DOCK8: variants seen among roughly 807,000 people sequenced by gnomAD.
DOCK8 encodes dedicator of cytokinesis 8.
A neutral mutation model predicts 245.6 loss-of-function variants in DOCK8; 141 were observed. The ratio of observed to expected loss-of-function variants is 0.57; its 90% CI spans 0.50 to 0.66. The LOEUF (loss-of-function observed/expected upper bound fraction) is 0.66, where lower values mean the gene tolerates loss of function less well. DOCK8 is among the 30% of genes least tolerant of loss of function. The pLI, the probability that DOCK8 is intolerant of heterozygous loss-of-function variation, is 0.00. For synonymous variants in DOCK8, 1,168 were observed against 970.2 expected (o/e 1.20, Z -3.79); for missense variants, 2,965 against 2,603.4 (o/e 1.14, Z -3.02).
intron 1 of DOCK8, among the ~76,000 whole-genome samples, chr9:230,618 T>A (rs1215869310): frequency 6.6e-6 from 1 of 152,038 alleles, no homozygotes; most frequent in African/African-American, 2.4e-5. Context: ...TGGTATCTCA[T>A]TGTGGTTTTG....
In DOCK8 at chr9:319,312, T is replaced by C. The variant is rs561369725; in HGVS notation, c.827+2184T>C. On this transcript the variant is annotated intron_variant, in intron 7 of 47. Transcript: ENST00000432829. The stretch of plus-strand genomic sequence containing the variant: ...ATTAAAAAAAGAGGAGTCACTTGAA[T>C]ATCTCTTAATGAAAATTGTAAAGTG... Among the ~76,000 whole-genome samples the C allele has an allele frequency of 2.4e-3, 362 of 152,328 alleles. 1 individual carries two copies. Among genetic ancestry groups the C allele is most frequent in the South Asian group, 6.2e-3 (30 of 4,824 alleles).
chr9:410,811 C>T (rs956251269), intron 28 of DOCK8, among the ~76,000 whole-genome samples: 34 of 152,148 alleles, frequency 2.2e-4, no homozygotes, highest in African/African-American at 8.2e-4. Context: ...CAACAAAATT[C>T]ACCAATCTTT....
chr9:233,882 A>T (rs2047182407), intron 1 of DOCK8, among the ~76,000 whole-genome samples: 1 of 152,152 alleles, frequency 6.6e-6, no homozygotes, highest in Non-Finnish European at 1.5e-5. Context: ...TAATTGGAGC[A>T]TTTAGCCCAT....
chr9:364,891 CCAAT>C (rs1334582293), intron 14 of DOCK8, among the ~76,000 whole-genome samples: 1 of 152,050 alleles, frequency 6.6e-6, no homozygotes, highest in African/African-American at 2.4e-5. Flanking sequence ...GTGGAATGGA[CCAAT>C]CAAATAGAAC....
intron 20 of DOCK8, among the ~76,000 whole-genome samples, chr9:377,851 A>G (rs1210572049): frequency 2.6e-5 from 4 of 152,240 alleles, no homozygotes; most frequent in Admixed American, 1.3e-4. Flanking sequence ...TACAATGTGT[A>G]CATTTTCCCT....
intron 12 of DOCK8, 89 bp from the exon 13 acceptor site, chr9:338,917 T>C (rs2051443525): frequency 9.4e-7 from 1 of 1,069,196 alleles, no homozygotes; most frequent in East Asian, 2.5e-5. Flanking sequence ...AGAATAAAAC[T>C]TAAAGGTAAA....
intron 1 of DOCK8, among the ~76,000 whole-genome samples, chr9:216,786 G>A (rs978969334): frequency 1.3e-5 from 2 of 152,124 alleles, no homozygotes; most frequent in African/African-American, 2.4e-5. Context: ...CTATGGGGTT[G>A]GGCAGGGTTG....
intron 14 of DOCK8, among the ~76,000 whole-genome samples, chr9:359,231 A>G (rs894161400): frequency 1.3e-5 from 2 of 152,340 alleles, no homozygotes; most frequent in Admixed American, 6.5e-5. Flanking sequence ...AGATATTATA[A>G]GACTACATTA....
chr9:323,972 G>C (rs1003439808), intron 7 of DOCK8, among the ~76,000 whole-genome samples: 1 of 152,194 alleles, frequency 6.6e-6, no homozygotes, highest in African/African-American at 2.4e-5. Context: ...CTGCTACTTG[G>C]CATTGTTTTT....
At chr9:222,925 A>G (rs1226839735) in intron 1 of DOCK8, among the ~76,000 whole-genome samples, 1 of 152,236 alleles carries the variant, frequency 6.6e-6, no homozygotes, top group African/African-American at 2.4e-5. Flanking sequence ...TAAAATAGCA[A>G]ATGGAAAATC....
chr9:368,533 C>G, intron 15 of DOCK8: 2 of 491,388 alleles, frequency 4.1e-6, no homozygotes, highest in South Asian at 2.9e-5. Context: ...GTGTTACACA[C>G]TTACTCAAGC....
chr9:272,936 G>C (rs1458608514), intron 2 of DOCK8: 1 of 624,166 alleles, frequency 1.6e-6, no homozygotes, highest in African/African-American at 2.0e-5. Flanking sequence ...ACTCTTGCTG[G>C]TTCTGCTGCT....
chr9:250,121 T>C (rs1254041681), intron 1 of DOCK8, among the ~76,000 whole-genome samples: 2 of 152,182 alleles, frequency 1.3e-5, no homozygotes, highest in African/African-American at 4.8e-5. Context: ...TGTCATTATG[T>C]CCTGGCACAA....
chr9:246,657 A>T (rs572991758), intron 1 of DOCK8, among the ~76,000 whole-genome samples: 8 of 152,318 alleles, frequency 5.3e-5, no homozygotes, highest in Non-Finnish European at 1.0e-4. Flanking sequence ...CATGTTTGAA[A>T]AATTTTTAAT....
Position 215,005 on chromosome 9 carries a change from G to C in DOCK8, c.29G>C (p.Arg10Pro). The C allele has an allele frequency of 1.3e-6, 2 of 1,593,618 alleles. No individual in the cohort carries two copies. The highest frequency in any genetic ancestry group is 1.7e-6 in the Non-Finnish European group (2 of 1,174,932). The change falls in exon 1 of 48, where the codon CGC (arginine) becomes CCC (proline). Residue 10 changes from arginine to proline, a missense_variant. By Grantham distance (103) the Arg-to-Pro change is moderately radical. This residue lies in a region of DOCK8 where 2,825 missense variants were observed against 2,453.5 expected (regional missense o/e 1.15). Coordinates refer to ENST00000432829, the MANE Select transcript of DOCK8 (RefSeq NM_203447.4). ...GCCACTCTGCCGAGCGCAGAGCGCC[G>C]CGCGTTCGCGCTCAAGATCAACAGG... MATLPSAER[R>P]AFALKINRYS...
chr9:362,603 C>T (rs2052782765), intron 14 of DOCK8, among the ~76,000 whole-genome samples: 1 of 152,150 alleles, frequency 6.6e-6, no homozygotes, highest in African/African-American at 2.4e-5. Flanking sequence ...CTCTCAAAGC[C>T]CTCTTTCCTT....
At chr9:275,180 G>T (rs1401120006) in intron 2 of DOCK8, among the ~76,000 whole-genome samples, 1 of 151,964 alleles carries the variant, frequency 6.6e-6, no homozygotes, top group East Asian at 1.9e-4. Flanking sequence ...TTATATAATG[G>T]GTCCTTTGTA....
intron 1 of DOCK8, among the ~76,000 whole-genome samples, chr9:266,795 G>A (rs663309): frequency 0.56 from 84,661 of 151,834 alleles, 23,739 homozygotes; most frequent in East Asian, 0.79. Flanking sequence ...AGAATAAAGA[G>A]GATAATATTT....
chr9:392,027 A>T (rs2054215107), intron 24 of DOCK8, among the ~76,000 whole-genome samples: 1 of 151,208 alleles, frequency 6.6e-6, no homozygotes, highest in Non-Finnish European at 1.5e-5. Flanking sequence ...AATCCCATCT[A>T]CTCAGGAGGC....
Sources: allele counts gnomAD v4.1 joint callset (sites outside exome capture counted in the v4.1 genomes callset), GRCh38; gene constraint gnomAD v4.1.1; regional missense constraint gnomAD v4.1.1; transcripts MANE v1.5; gene names NCBI Gene and HGNC (gene_info 2026-07-23, HGNC 2026-07-21).